Variants in TRDMT1 observed in about 807,000 individuals in gnomAD.
TRDMT1 encodes tRNA aspartic acid methyltransferase 1, also known as tRNA (cytosine(38)-C(5))-methyltransferase.
Under a neutral mutation model 51.2 loss-of-function variants are expected in TRDMT1, and 49 were observed. The ratio of observed to expected loss-of-function variants is 0.96; its 90% confidence interval spans 0.76 to 1.21. TRDMT1 has a LOEUF of 1.21. TRDMT1 is among the 50% of genes most tolerant of loss of function. The pLI, the probability that TRDMT1 is intolerant of heterozygous loss-of-function variation, is 0.00. For synonymous variants in TRDMT1, 187 were observed against 164.6 expected, an observed-to-expected ratio of 1.14 and a Z score of -1.04; for missense variants, 534 against 462.3, an observed-to-expected ratio of 1.16 and a Z score of -1.42.
At chr10:17,153,480 G>A in intron 10 of TRDMT1, 27 bp downstream of exon 10, 1 of 1,611,046 alleles carries the variant, frequency 6.2e-7, no homozygotes, top group Non-Finnish European at 8.5e-7. Flanking sequence ...ATACATGAAA[G>A]CTGAATTCTG....
At chr10:17,180,106 T>C (rs1843094700) in intron 1 of TRDMT1, among the ~76,000 whole-genome samples, 1 of 152,232 alleles carries the variant, frequency 6.6e-6, no homozygotes, top group Admixed American at 6.5e-5. Context: ...CCTAATTCAC[T>C]GGTTAGAAAC....
chr10:17,186,222 G>A (rs1173003561), intron 1 of TRDMT1, among the ~76,000 whole-genome samples: 1 of 152,008 alleles, frequency 6.6e-6, no homozygotes, highest in Non-Finnish European at 1.5e-5. Flanking sequence ...AGGTGTGATA[G>A]GCAAAATAAT....
intron 1 of TRDMT1, among the ~76,000 whole-genome samples, chr10:17,195,597 A>G (rs1184890901): frequency 6.6e-6 from 1 of 151,930 alleles, no homozygotes; most frequent in Non-Finnish European, 1.5e-5. Context: ...CCTTGAATCT[A>G]GAAGCTGAAA....
rs1390166447 is a variant in TRDMT1, at chr10:17,145,839, T to G, written c.*3201A>C. On this transcript the variant is annotated 3_prime_UTR_variant, in exon 11 of 11. Coordinates refer to ENST00000377799, the MANE Select transcript of TRDMT1 (RefSeq NM_004412.7). The stretch of plus-strand genomic sequence containing the variant: ...CCTTTAGTAGGTGCTTGATATTAGA[T>G]GAAATGTGGTTGCTTCTTTGTTCTG... 5 of 985,348 alleles carry G rather than the reference T, an allele frequency of 5.1e-6. No homozygotes were observed. Among genetic ancestry groups the G allele is most frequent in the African/African-American group, 1.7e-5 (1 of 57,252 alleles). The allele number at this position is 985,348 out of a possible 1,614,324, so 61.0% of individuals were successfully genotyped here. A position where few individuals can be genotyped will look rare whatever the true frequency, so the allele number is the denominator to read the frequency against.
intron 1 of TRDMT1, 125 bp downstream of exon 1, chr10:17,201,446 C>CGCCCCACAGTGTCT: frequency 3.9e-6 from 4 of 1,037,056 alleles, no homozygotes; most frequent in Non-Finnish European, 2.7e-6. Context: ...AACCGAGGGC[C>CGCCCCACAGTGTCT]GCCCCACAGT....
intron 1 of TRDMT1, among the ~76,000 whole-genome samples, chr10:17,193,843 GA>G (rs1175451228): frequency 6.6e-6 from 1 of 152,152 alleles, no homozygotes; most frequent in Non-Finnish European, 1.5e-5. Context: ...ATAAAAGCCT[GA>G]ATAGCCAAAG....
intron 1 of TRDMT1, among the ~76,000 whole-genome samples, chr10:17,196,401 TCTC>T (rs1845435620): frequency 6.6e-6 from 1 of 152,184 alleles, no homozygotes; most frequent in South Asian, 2.1e-4. Context: ...ACTTTACTCT[TCTC>T]CTGATACTAC....
In TRDMT1 at chr10:17,147,101, C is replaced by A. The variant is rs558997438; in HGVS notation, c.*1939G>T. 1 of 985,490 alleles carries A rather than the reference C, an allele frequency of 1.0e-6. No homozygotes were observed. Among genetic ancestry groups the A allele is most frequent in the African/African-American group, 1.7e-5 (1 of 57,164 alleles). 61.0% of individuals were successfully genotyped at this position (985,490 alleles called of 1,614,324 possible). ...CTTATTTTGTATAATGTTGCTCAAC[C>A]GAATGTGGGATACTATAATTATAGC... On this transcript the variant is annotated 3_prime_UTR_variant, in exon 11 of 11. Coordinates refer to ENST00000377799, the MANE Select transcript of TRDMT1 (RefSeq NM_004412.7).
At chr10:17,150,196 T>C (rs1024475304) in intron 10 of TRDMT1, 1 of 173,928 alleles carries the variant, frequency 5.7e-6, no homozygotes, top group Non-Finnish European at 1.1e-5. Context: ...TGAAGTAATA[T>C]CACATTGTGA....
At chr10:17,158,572 T>C (rs1006009476) in intron 7 of TRDMT1, among the ~76,000 whole-genome samples, 3 of 152,144 alleles carry the variant, frequency 2.0e-5, no homozygotes, top group Non-Finnish European at 2.9e-5. Context: ...GCCGAAATGC[T>C]GAAACTCAGT....
intron 4 of TRDMT1, 133 bp from the exon 5 acceptor site, chr10:17,161,681 T>A: frequency 2.0e-6 from 1 of 512,312 alleles, no homozygotes; most frequent in Non-Finnish European, 3.2e-6. Context: ...TTTATAAGGC[T>A]GGAGACAACA....
chr10:17,183,778 G>A (rs1331929039), intron 1 of TRDMT1, among the ~76,000 whole-genome samples: 3 of 152,134 alleles, frequency 2.0e-5, no homozygotes, highest in African/African-American at 7.2e-5. Context: ...ATTTTGGAAC[G>A]AAAGAATTCA....
At chr10:17,175,734 A>G (rs532387836) in intron 1 of TRDMT1, among the ~76,000 whole-genome samples, 1 of 152,090 alleles carries the variant, frequency 6.6e-6, no homozygotes, top group Non-Finnish European at 1.5e-5. Flanking sequence ...ACCCGGAAAT[A>G]AAAGCAGACC....
chr10:17,180,370 G>A (rs931369810), intron 1 of TRDMT1, among the ~76,000 whole-genome samples: 7 of 151,962 alleles, frequency 4.6e-5, no homozygotes, highest in Admixed American at 1.3e-4. Context: ...GCAAAACCCC[G>A]TCTCTACTAA....
Position 17,148,722 on chromosome 10 carries a change from T to G in TRDMT1, c.*318A>C, listed in dbSNP as rs1412284212. ...GTTATGACACTTCACAAGATACTCA[T>G]GTAGACACTAAAGCTCTAGTGCTCC... On this transcript the variant is annotated 3_prime_UTR_variant, in exon 11 of 11. Coordinates refer to ENST00000377799, the MANE Select transcript of TRDMT1 (RefSeq NM_004412.7). The G allele has an allele frequency of 2.0e-6, 2 of 1,004,742 alleles. No individual in the cohort carries two copies. The highest frequency in any genetic ancestry group is 1.7e-5 in the African/African-American group (1 of 57,756). 62.2% of individuals were successfully genotyped at this position (1,004,742 alleles called of 1,614,324 possible). A position where few individuals can be genotyped will look rare whatever the true frequency, so the allele number is the denominator to read the frequency against.
chr10:17,173,153 G>T (rs926130695), intron 2 of TRDMT1, among the ~76,000 whole-genome samples: 2 of 151,896 alleles, frequency 1.3e-5, no homozygotes, highest in African/African-American at 4.8e-5. Context: ...TTGAAAATTT[G>T]GTATTTTCTC....
intron 3 of TRDMT1, among the ~76,000 whole-genome samples, chr10:17,168,251 T>C (rs1303685506): frequency 2.0e-5 from 3 of 152,098 alleles, no homozygotes; most frequent in Non-Finnish European, 4.4e-5. Context: ...TGCAGGGAGC[T>C]GTGATCATGC....
Position 17,146,563 on chromosome 10 carries a change from G to A in TRDMT1, c.*2477C>T, listed in dbSNP as rs78524842. On this transcript the variant is annotated 3_prime_UTR_variant, in exon 11 of 11. Transcript: ENST00000377799. ...AAGACATACTAAAAATATGAAGCAG[G>A]GTAATAAATACCTTACAATTATCTG... 4 of 984,846 alleles carry A rather than the reference G, an allele frequency of 4.1e-6. No homozygotes were observed. Among genetic ancestry groups the A allele is most frequent in the East Asian group, 1.1e-4 (1 of 8,818 alleles). The allele number at this position is 984,846 out of a possible 1,614,324, so 61.0% of individuals were successfully genotyped here. A position where few individuals can be genotyped will look rare whatever the true frequency, so the allele number is the denominator to read the frequency against.
chr10:17,187,745 G>A (rs1844137483), intron 1 of TRDMT1, among the ~76,000 whole-genome samples: 1 of 152,150 alleles, frequency 6.6e-6, no homozygotes, highest in Non-Finnish European at 1.5e-5. Flanking sequence ...TTGGTACTGA[G>A]AACAGTTCAC....
Sources: gnomAD v4.1 joint callset for allele counts (sites outside exome capture counted in the v4.1 genomes callset) on GRCh38, gnomAD v4.1.1 for gene constraint, MANE v1.5 for transcripts, NCBI Gene and HGNC (gene_info 2026-07-23, HGNC 2026-07-21) for gene names.